Variants in RBFOX2 observed in about 807,000 individuals in gnomAD.
RBFOX2 encodes the protein RNA binding fox-1 homolog 2.
In RBFOX2, 10 loss-of-function variants were observed where a neutral mutation model predicts 49.1. That is an observed-to-expected ratio of 0.20 (90% CI 0.13 to 0.35). The LOEUF (loss-of-function observed/expected upper bound fraction) is 0.35, where lower values mean the gene tolerates loss of function less well. RBFOX2 is among the 10% of genes least tolerant of loss of function. The pLI is 1.00. For missense variants in RBFOX2, 323 were observed against 486.9 expected (o/e 0.66, Z 3.17); for synonymous variants, 183 against 187.4 (o/e 0.98, Z 0.19).
At chr22:35,781,153 T>C (rs1339253874) in intron 3 of RBFOX2, among the ~76,000 whole-genome samples, 2 of 152,210 alleles carry the variant, frequency 1.3e-5, no homozygotes, top group African/African-American at 4.8e-5. Flanking sequence ...AACCCTAGAA[T>C]GTCAGGCATA....
At chr22:35,829,887 G>A (rs572539746) in intron 1 of RBFOX2, among the ~76,000 whole-genome samples, 2 of 152,190 alleles carry the variant, frequency 1.3e-5, no homozygotes, top group South Asian at 4.2e-4. Context: ...CTCCCCAGGA[G>A]GCTAGAGCTC....
intron 1 of RBFOX2, among the ~76,000 whole-genome samples, chr22:35,900,896 G>A (rs1052627639): frequency 2.6e-5 from 4 of 152,198 alleles, no homozygotes; most frequent in Non-Finnish European, 2.9e-5. Flanking sequence ...CAGCAGTAGC[G>A]ACTCATGGGA....
chr22:36,019,018 T>C (rs1333367197), intron 1 of RBFOX2, among the ~76,000 whole-genome samples: 2 of 152,210 alleles, frequency 1.3e-5, no homozygotes, highest in South Asian at 2.1e-4. Flanking sequence ...CCCAGCTCAA[T>C]TTCCATAGAC....
At chr22:35,955,243 T>C (rs562772274) in intron 1 of RBFOX2, among the ~76,000 whole-genome samples, 65 of 152,318 alleles carry the variant, frequency 4.3e-4, no homozygotes, top group African/African-American at 1.5e-3. Context: ...TTTAAAAAAT[T>C]ACCAAAGACT....
chr22:35,814,536 C>A (rs1952575619), intron 1 of RBFOX2, among the ~76,000 whole-genome samples: 1 of 148,434 alleles, frequency 6.7e-6, no homozygotes, highest in African/African-American at 2.5e-5. Context: ...TAGTGGGATC[C>A]TGTCTCCACA....
intron 1 of RBFOX2, chr22:35,898,419 C>CTT (rs749708583): frequency 0.061 from 16,726 of 273,302 alleles, 360 homozygotes; most frequent in South Asian, 0.072. Flanking sequence ...TCCCACAATC[C>CTT]TTTTTTTTTT....
chr22:35,973,176 G>A (rs1411424749), intron 1 of RBFOX2, among the ~76,000 whole-genome samples: 1 of 152,180 alleles, frequency 6.6e-6, no homozygotes, highest in African/African-American at 2.4e-5. Flanking sequence ...AAAGTACTGT[G>A]AGAGTCCTCT....
At chr22:35,769,497 A>G (rs1942041861) in intron 4 of RBFOX2, among the ~76,000 whole-genome samples, 1 of 152,108 alleles carries the variant, frequency 6.6e-6, no homozygotes. Context: ...TATTCACTTC[A>G]TTCTAGGTGC....
intron 1 of RBFOX2, among the ~76,000 whole-genome samples, chr22:35,949,144 G>A (rs1171566499): frequency 1.3e-5 from 2 of 152,162 alleles, no homozygotes; most frequent in Non-Finnish European, 2.9e-5. Flanking sequence ...CCATATTGTA[G>A]CACGTGTCAG....
chr22:35,825,426 GAAAA>G (rs755318749), intron 1 of RBFOX2, among the ~76,000 whole-genome samples: 1 of 104,040 alleles, frequency 9.6e-6, no homozygotes. Flanking sequence ...TTGACTAAGT[GAAAA>G]AAAAAAAAAA....
intron 1 of RBFOX2, among the ~76,000 whole-genome samples, chr22:35,955,551 G>A (rs1603457882): frequency 6.6e-6 from 1 of 151,968 alleles, no homozygotes; most frequent in East Asian, 1.9e-4. Flanking sequence ...CATGGGGGGT[G>A]GGGTAGGGTG....
chr22:36,001,251 T>A (rs1201115793), intron 1 of RBFOX2, among the ~76,000 whole-genome samples: 1 of 150,214 alleles, frequency 6.7e-6, no homozygotes, highest in Non-Finnish European at 1.5e-5. Flanking sequence ...TATATACATG[T>A]ACACATACAT....
chr22:35,759,997 C>T lies in RBFOX2; in HGVS notation c.778G>A (p.Ala260Thr). ...CTGAAAGCGGCTGCCGTGGTGGCTGCAGTAGGGTAAGGGAAGCCAGGAACT... is the reference window on the plus strand; with the variant it reads ...CTGAAAGCGGCTGCCGTGGTGGCTGTAGTAGGGTAAGGGAAGCCAGGAACT... Residue 260 changes from alanine (A) to threonine (T), a missense_variant, in exon 9 of 12, where the codon GCA (alanine) becomes ACA (threonine). Transcript: ENST00000405409. The surrounding 1 kb of genome is among the most constrained non-coding windows in gnomAD (Gnocchi z 4.6). 2.5e-6 allele frequency: 4 copies of T among 1,613,772 alleles called. No individual in the cohort carries two copies. Among genetic ancestry groups the T allele is most frequent in the South Asian group, 1.1e-5 (1 of 91,054 alleles).
At chr22:35,899,095 G>C (rs1265845310) in intron 1 of RBFOX2, among the ~76,000 whole-genome samples, 1 of 148,550 alleles carries the variant, frequency 6.7e-6, no homozygotes, top group Non-Finnish European at 1.5e-5. Flanking sequence ...TCCAGCCTGA[G>C]CAACAAGAGC....
rs2050058358 is a variant in RBFOX2, at chr22:35,913,485, G to A, written c.-34+25362C>T. On this transcript the variant is annotated intron_variant, in intron 1 of 13. Transcript: ENST00000359369. ...ATATCCTGTTATTTCTATTGTGTGT[G>A]TGTGTGTGTGTGTGTGTGTGTATAC... 2.7e-5 allele frequency among the ~76,000 whole-genome samples: 4 copies of A among 150,502 alleles called. No homozygotes were observed. In the South Asian group the frequency reaches 8.5e-4, roughly 32 times the overall value.
At chr22:35,964,532 T>C (rs547320099), upstream of RBFOX2, among the ~76,000 whole-genome samples, 1 of 152,318 alleles carries the variant, frequency 6.6e-6, no homozygotes, top group East Asian at 1.9e-4. Context: ...ATATTTGAGA[T>C]GAAAAAAATT....
chr22:35,741,026 G>T (rs995469293), exon 12 of RBFOX2: 18 of 152,222 alleles, frequency 1.2e-4, no homozygotes, highest in African/African-American at 4.3e-4. Flanking sequence ...AAAAAAAAAT[G>T]TTGGCTCAAT....
chr22:35,911,445 A>T (rs968409435), intron 1 of RBFOX2, among the ~76,000 whole-genome samples: 17 of 152,204 alleles, frequency 1.1e-4, no homozygotes, highest in African/African-American at 3.4e-4. Flanking sequence ...CTGGTGTCTT[A>T]ATCGACCTCT....
chr22:35,963,508 G>T (rs2056379794), upstream of RBFOX2, among the ~76,000 whole-genome samples: 1 of 152,028 alleles, frequency 6.6e-6, no homozygotes, highest in Admixed American at 6.6e-5. Flanking sequence ...TCTACAAGAG[G>T]GAGACTAAAG....
Sources: gnomAD v4.1 joint callset for allele counts (sites outside exome capture counted in the v4.1 genomes callset) on GRCh38, gnomAD v4.1.1 for gene constraint, Gnocchi (gnomAD v3.1) non-coding constraint, MANE v1.5 for transcripts, NCBI Gene and HGNC (gene_info 2026-07-23, HGNC 2026-07-21) for gene names.